The following SEMA3C variants were observed in gnomAD, a reference collection of about 807,000 sequenced individuals.
The protein encoded by SEMA3C is semaphorin 3C, also known as semaphorin-3C.
Under a neutral mutation model 89.4 loss-of-function variants are expected in SEMA3C, and 47 were observed. That is an observed-to-expected ratio of 0.53 (90% confidence interval 0.42 to 0.67). The LOEUF is 0.67. Ranked by LOEUF, SEMA3C falls within the 30% of genes least tolerant of loss-of-function variation. The pLI is 0.00. For synonymous variants in SEMA3C, 310 were observed against 320.2 expected, an observed-to-expected ratio of 0.97 and a Z score of 0.34; for missense variants, 839 against 929.1, an observed-to-expected ratio of 0.90 and a Z score of 1.26.
At chr7:80,874,460 T>G (rs1791150439) in intron 2 of SEMA3C, among the ~76,000 whole-genome samples, 1 of 151,012 alleles carries the variant, frequency 6.6e-6, no homozygotes, top group Non-Finnish European at 1.5e-5. Flanking sequence ...ATTTATTTAT[T>G]TATTTATTTA....
intron 2 of SEMA3C, among the ~76,000 whole-genome samples, chr7:80,860,853 C>T (rs935000589): frequency 2.0e-5 from 3 of 152,120 alleles, no homozygotes; most frequent in African/African-American, 7.2e-5. Context: ...TTTGGGGAGA[C>T]CTACTGCTTG....
chr7:80,898,512 A>T (rs1791795529), intron 2 of SEMA3C, among the ~76,000 whole-genome samples: 1 of 152,172 alleles, frequency 6.6e-6, no homozygotes. Context: ...TATTAATAAG[A>T]ATTATTGTAT....
intron 15 of SEMA3C, among the ~76,000 whole-genome samples, chr7:80,755,244 G>A (rs1788039097): frequency 1.3e-5 from 2 of 151,582 alleles, no homozygotes; most frequent in Admixed American, 1.3e-4. Context: ...ATTATAATTT[G>A]TGGTGGTAGA....
chr7:80,885,827 ATACTGCATG>A (rs1285154308), intron 2 of SEMA3C, among the ~76,000 whole-genome samples: 2 of 152,212 alleles, frequency 1.3e-5, no homozygotes, highest in Non-Finnish European at 2.9e-5. Context: ...CGCTCCAAAA[ATACTGCATG>A]TACATATTTG....
intron 5 of SEMA3C, among the ~76,000 whole-genome samples, chr7:80,815,575 T>TAAAAAAAAAAAAAAAAAAAAAAAAA (rs1789585531): frequency 5.6e-4 from 46 of 82,016 alleles, no homozygotes; most frequent in East Asian, 2.0e-3. Context: ...AAAAAAAAAG[T>TAAAAAAAAAAAAAAAAAAAAAAAAA]AAATGTAGAG....
intron 2 of SEMA3C, among the ~76,000 whole-genome samples, chr7:80,846,126 T>C (rs574464095): frequency 2.0e-5 from 3 of 152,180 alleles, no homozygotes; most frequent in South Asian, 4.1e-4. Flanking sequence ...AGGAGAAAAA[T>C]GTCTCATCTA....
intron 15 of SEMA3C, among the ~76,000 whole-genome samples, chr7:80,757,808 A>G (rs2117046387): frequency 6.6e-6 from 1 of 152,206 alleles, no homozygotes; most frequent in East Asian, 1.9e-4. Context: ...ATCTACTAAA[A>G]ATACAAAAAT....
chr7:80,878,318 C>T (rs939162708), intron 2 of SEMA3C, among the ~76,000 whole-genome samples: 1 of 152,044 alleles, frequency 6.6e-6, no homozygotes, highest in African/African-American at 2.4e-5. Flanking sequence ...GCGGAGGTTG[C>T]GGTGAGCCGA....
chr7:80,906,366 A>G (rs1282188059), intron 2 of SEMA3C, among the ~76,000 whole-genome samples: 1 of 152,198 alleles, frequency 6.6e-6, no homozygotes, highest in Non-Finnish European at 1.5e-5. Flanking sequence ...CTAAGTGCTC[A>G]TGGCACTGAA....
intron 2 of SEMA3C, among the ~76,000 whole-genome samples, chr7:80,906,851 C>T (rs1792027692): frequency 2.0e-5 from 3 of 152,196 alleles, no homozygotes; most frequent in Admixed American, 6.5e-5. Context: ...TATTCTGTAG[C>T]CAAGCGGTAG....
At position 80,809,755 on chromosome 7, in the gene SEMA3C, C is replaced by T. The variant is rs139359748; in HGVS notation, c.538+856G>A. Reference sequence around the variant, plus strand: ...TTTAAAAACATGGTACATATATACACGATGGAATACTATACAGCCTTAAAA... The same window carrying T: ...TTTAAAAACATGGTACATATATACATGATGGAATACTATACAGCCTTAAAA... On this transcript the variant is annotated intron_variant, in intron 6 of 17. Transcript: ENST00000265361. Among the ~76,000 whole-genome samples the T allele has an allele frequency of 8.0e-3, 1,214 of 152,108 alleles. 24 individuals are homozygous for T. The highest frequency in any genetic ancestry group is 5.4e-3 in the Non-Finnish European group (365 of 67,994).
chr7:80,892,487 G>A (rs1335322458), intron 2 of SEMA3C, among the ~76,000 whole-genome samples: 1 of 151,864 alleles, frequency 6.6e-6, no homozygotes, highest in East Asian at 1.9e-4. Flanking sequence ...TGAAACAAAA[G>A]TAGGTCCTAA....
At chr7:80,921,679 C>T (rs2116278879), upstream of SEMA3C, among the ~76,000 whole-genome samples, 1 of 152,262 alleles carries the variant, frequency 6.6e-6, no homozygotes, top group African/African-American at 2.4e-5. Flanking sequence ...AATGTTTGCA[C>T]CCAGCAAAAC....
At chr7:80,802,135 C>T (rs908204067) in intron 9 of SEMA3C, among the ~76,000 whole-genome samples, 6 of 152,048 alleles carry the variant, frequency 3.9e-5, no homozygotes, top group Non-Finnish European at 4.4e-5. Context: ...AGTCCTTATT[C>T]GACCTGGAAA....
At chr7:80,818,176 G>C in intron 5 of SEMA3C, 123 bp downstream of exon 5, 1 of 907,264 alleles carries the variant, frequency 1.1e-6, no homozygotes, top group Non-Finnish European at 1.6e-6. Context: ...AATATAGTTT[G>C]TATTTAAAGG....
chr7:80,894,767 C>A (rs766916678), intron 2 of SEMA3C, among the ~76,000 whole-genome samples: 1 of 152,074 alleles, frequency 6.6e-6, no homozygotes, highest in Non-Finnish European at 1.5e-5. Flanking sequence ...CACTCTTAAC[C>A]TATTTTTATC....
chr7:80,893,327 C>T (rs1335040066), intron 2 of SEMA3C, among the ~76,000 whole-genome samples: 2 of 152,038 alleles, frequency 1.3e-5, no homozygotes, highest in Non-Finnish European at 2.9e-5. Flanking sequence ...GTCTTAGACT[C>T]GAGGCAGAAC....
intron 16 of SEMA3C, among the ~76,000 whole-genome samples, chr7:80,751,017 G>A (rs55810607): frequency 0.14 from 21,479 of 152,064 alleles, 1,520 homozygotes; most frequent in South Asian, 0.21. Context: ...CTGTAATTAC[G>A]ATCTGCGAGA....
At position 80,868,319 on chromosome 7, in the gene SEMA3C, G is replaced by A. The variant is rs1032524835; in HGVS notation, c.104-39574C>T. Among the ~76,000 whole-genome samples, 5 of 151,938 alleles carry A rather than the reference G, an allele frequency of 3.3e-5. No homozygotes were observed. In the East Asian group the frequency reaches 9.7e-4, roughly 29 times the overall value. ...ATCTTACTCTGTCACCCAGGCTGGA[G>A]TGCAGCGATGCAGTCTCAGCTCACT... On this transcript the variant is annotated intron_variant, in intron 2 of 17. Coordinates refer to ENST00000265361, the MANE Select transcript of SEMA3C (RefSeq NM_006379.5).
Sources: allele counts gnomAD v4.1 joint callset (sites outside exome capture counted in the v4.1 genomes callset), GRCh38; gene constraint gnomAD v4.1.1; transcripts MANE v1.5; gene names NCBI Gene and HGNC (gene_info 2026-07-23, HGNC 2026-07-21).